Variants in TGFBR3 observed in about 807,000 individuals in gnomAD.
TGFBR3 encodes transforming growth factor beta receptor 3, also known as transforming growth factor beta receptor type 3.
A neutral mutation model predicts 87.9 loss-of-function variants in TGFBR3; 46 were observed. That is an observed-to-expected ratio of 0.52 (90% CI 0.41 to 0.67). The LOEUF is 0.67. Ranked by LOEUF, TGFBR3 falls within the 30% of genes least tolerant of loss-of-function variation. The probability of loss-of-function intolerance (pLI) is 0.00; values close to 1 mark genes in which losing one functional copy is unlikely to be tolerated. For missense variants in TGFBR3, 866 were observed against 1,041.9 expected (o/e 0.83, Z 2.32); for synonymous variants, 381 against 391.6 (o/e 0.97, Z 0.32).
chr1:91,894,605 CT>C (rs1679514859), intron 2 of TGFBR3, among the ~76,000 whole-genome samples: 1 of 152,324 alleles, frequency 6.6e-6, no homozygotes, highest in Admixed American at 6.5e-5. Context: ...TTACTTCATC[CT>C]CTTTGAGACA....
At chr1:91,806,802 A>C (rs144640898) in intron 2 of TGFBR3, among the ~76,000 whole-genome samples, 1 of 152,272 alleles carries the variant, frequency 6.6e-6, no homozygotes, top group Non-Finnish European at 1.5e-5. Context: ...GGAATTCTGA[A>C]ATGCTGTCAG....
intron 3 of TGFBR3, among the ~76,000 whole-genome samples, chr1:91,785,754 G>A (rs1031460578): frequency 6.7e-5 from 10 of 148,390 alleles, no homozygotes; most frequent in Admixed American, 6.1e-4. Context: ...CACACCCTTT[G>A]TTGGGCTTCT....
intron 3 of TGFBR3, among the ~76,000 whole-genome samples, chr1:91,760,858 A>G (rs1046598239): frequency 3.9e-5 from 6 of 152,236 alleles, no homozygotes; most frequent in Non-Finnish European, 7.3e-5. Flanking sequence ...TAGCAGAAGC[A>G]AAGATTCAAA....
intron 1 of TGFBR3, among the ~76,000 whole-genome samples, chr1:91,864,689 C>G (rs1030011001): frequency 2.6e-5 from 4 of 152,182 alleles, no homozygotes; most frequent in African/African-American, 9.7e-5. Context: ...AACTTGTACA[C>G]CTCAGTGCCT....
intron 3 of TGFBR3, among the ~76,000 whole-genome samples, chr1:91,792,709 A>G (rs900426198): frequency 2.0e-5 from 3 of 152,196 alleles, no homozygotes; most frequent in Non-Finnish European, 4.4e-5. Flanking sequence ...CGCCCTGAGC[A>G]ATTAAACTCG....
rs1046633269 is a variant in TGFBR3, at chr1:91,695,685, G to C, written c.2424C>G (p.Ile808Met). The C allele has an allele frequency of 1.9e-6, 3 of 1,613,922 alleles. No homozygotes were observed. The highest frequency in any genetic ancestry group is 2.7e-5 in the African/African-American group (2 of 74,908). ...AGTCACACTAACCTGTGTGAGAATA[G>C]ATGTACCACAAGGCCCCCGTCAGGA... ...GALLTGALWY[I>M]YSHTGETAGR... Residue 808 changes from isoleucine (I) to methionine (M), a missense_variant, in exon 16 of 17, where the codon ATC becomes ATG. Transcript: ENST00000212355.
chr1:91,708,842 CT>C, intron 13 of TGFBR3, 59 bp from the exon 14 acceptor site: 1 of 1,602,756 alleles, frequency 6.2e-7, no homozygotes, highest in Non-Finnish European at 8.5e-7. Flanking sequence ...CCTTCACCAG[CT>C]CTACCTGCAC....
Position 91,771,857 on chromosome 1 carries a change from A to G in TGFBR3, c.247-13107T>C, listed in dbSNP as rs17880430. Among the ~76,000 whole-genome samples the G allele has an allele frequency of 8.5e-3, 1,296 of 152,238 alleles. 26 individuals are homozygous for G. Among genetic ancestry groups the G allele is most frequent in the African/African-American group, 0.03 (1,226 of 41,518 alleles). ...TGAGTCAGACACAATACCTGCCCTCAAGAAGCTCACAGTTTGATGGGGGCA... is the reference window on the plus strand; with the variant it reads ...TGAGTCAGACACAATACCTGCCCTCGAGAAGCTCACAGTTTGATGGGGGCA... On this transcript the variant is annotated intron_variant, in intron 3 of 16. Transcript: ENST00000212355.
At chr1:91,719,843 G>T (rs554783750) in intron 9 of TGFBR3, 50 bp downstream of exon 9, 1 of 1,592,422 alleles carries the variant, frequency 6.3e-7, no homozygotes, top group Admixed American at 1.7e-5. Context: ...ACTAGGGCCA[G>T]ATGGGAAAGG....
chr1:91,779,289 T>C (rs886284893), intron 3 of TGFBR3, among the ~76,000 whole-genome samples: 1 of 152,234 alleles, frequency 6.6e-6, no homozygotes, highest in African/African-American at 2.4e-5. Flanking sequence ...CGCACTGTTC[T>C]AAGCACCAGT....
At chr1:91,766,293 C>G (rs886143429) in intron 3 of TGFBR3, 3 of 150,478 alleles carry the variant, frequency 2.0e-5, no homozygotes, top group African/African-American at 7.4e-5. Context: ...ACCTCAGCCT[C>G]TCAAAATGCT....
chr1:91,701,220 C>T (rs558144344), intron 14 of TGFBR3, among the ~76,000 whole-genome samples: 18 of 152,092 alleles, frequency 1.2e-4, no homozygotes, highest in African/African-American at 4.1e-4. Context: ...AGTTGTTGTT[C>T]ATTTCCCCTG....
chr1:91,682,784 C>A lies in TGFBR3; in HGVS notation c.*955G>T. On this transcript the variant is annotated 3_prime_UTR_variant, in exon 17 of 17. Transcript: ENST00000212355. ...AACTCTAAAAGCATAAGGACATTTT[C>A]AAATTTTCTCTTCTTCAACTGAGAA... 1 of 453,910 alleles carries A rather than the reference C, an allele frequency of 2.2e-6. No individual in the cohort carries two copies. The allele number at this position is 453,910 out of a possible 1,614,324, so 28.1% of individuals were successfully genotyped here. A position where few individuals can be genotyped will look rare whatever the true frequency, so the allele number is the denominator to read the frequency against.
Sources: gnomAD v4.1 joint callset for allele counts (sites outside exome capture counted in the v4.1 genomes callset) on GRCh38, gnomAD v4.1.1 for gene constraint, MANE v1.5 for transcripts, NCBI Gene and HGNC (gene_info 2026-07-23, HGNC 2026-07-21) for gene names.